Variants in ANKS1B observed in about 807,000 individuals in gnomAD.
ANKS1B encodes ankyrin repeat and sterile alpha motif domain-containing protein 1B.
ANKS1B carries 36 observed loss-of-function variants against 148.3 expected under a neutral mutation model. The observed-to-expected ratio is 0.24, with a 90% CI of 0.19 to 0.32. The LOEUF is 0.32. Among genes scored for constraint, ANKS1B ranks in the 10% least tolerant of loss-of-function variants. The pLI, the probability that ANKS1B is intolerant of heterozygous loss-of-function variation, is 1.00. For missense variants in ANKS1B, 1,157 were observed against 1,542.6 expected (o/e 0.75, Z 4.19); for synonymous variants, 542 against 560.8 (o/e 0.97, Z 0.47).
intron 12 of ANKS1B, among the ~76,000 whole-genome samples, chr12:99,301,103 C>T (rs1223516177): frequency 1.3e-5 from 2 of 152,122 alleles, no homozygotes; most frequent in Non-Finnish European, 2.9e-5. Context: ...CTCTGATGTC[C>T]AAGGGCAGGA....
At chr12:98,947,215 A>T (rs1456642878) in intron 17 of ANKS1B, among the ~76,000 whole-genome samples, 1 of 152,132 alleles carries the variant, frequency 6.6e-6, no homozygotes, top group Non-Finnish European at 1.5e-5. Context: ...GGAACCACAG[A>T]AGGCTTTTGA....
intron 9 of ANKS1B, among the ~76,000 whole-genome samples, chr12:99,646,719 T>G (rs1234194402): frequency 6.6e-6 from 1 of 151,056 alleles, no homozygotes; most frequent in Admixed American, 6.6e-5. Flanking sequence ...GTGTGTGTGT[T>G]TGTGTTCACA....
chr12:99,151,995 A>T (rs912188917), intron 15 of ANKS1B, among the ~76,000 whole-genome samples: 7 of 152,158 alleles, frequency 4.6e-5, no homozygotes, highest in Admixed American at 2.6e-4. Context: ...TGCTTCAAGA[A>T]AAACAAAAGC....
At chr12:99,596,219 T>C (rs2097757280) in intron 9 of ANKS1B, among the ~76,000 whole-genome samples, 1 of 151,898 alleles carries the variant, frequency 6.6e-6, no homozygotes, top group African/African-American at 2.4e-5. Flanking sequence ...TAAATCAAGA[T>C]GTGAGTAGAA....
At chr12:98,808,796 A>G (rs2099070854) in intron 19 of ANKS1B, among the ~76,000 whole-genome samples, 1 of 152,190 alleles carries the variant, frequency 6.6e-6, no homozygotes, top group South Asian at 2.1e-4. Flanking sequence ...ATTCTAAAAG[A>G]CACTGTGAAA....
intron 17 of ANKS1B, among the ~76,000 whole-genome samples, chr12:99,036,539 G>T (rs1463881062): frequency 6.6e-6 from 1 of 152,174 alleles, no homozygotes; most frequent in African/African-American, 2.4e-5. Flanking sequence ...CACATGCTTG[G>T]TCATAGCTGT....
intron 1 of ANKS1B, among the ~76,000 whole-genome samples, chr12:99,876,442 G>T (rs2092051774): frequency 6.6e-6 from 1 of 152,054 alleles, no homozygotes; most frequent in Non-Finnish European, 1.5e-5. Context: ...GAAGAAAGAG[G>T]CCAGGCGCAG....
intron 17 of ANKS1B, among the ~76,000 whole-genome samples, chr12:98,924,690 T>C (rs754466769): frequency 3.3e-5 from 5 of 152,200 alleles, no homozygotes; most frequent in Admixed American, 6.5e-5. Flanking sequence ...GATGGTCTTA[T>C]GGTGTCAGAA....
chr12:98,831,832 C>T, intron 18 of ANKS1B, 197 bp downstream of exon 18: 1 of 609,906 alleles, frequency 1.6e-6, no homozygotes, highest in Non-Finnish European at 3.0e-6. Flanking sequence ...CACTGCAATG[C>T]TCCGCCTTCT....
chr12:98,983,281 G>A (rs2099917071), intron 17 of ANKS1B, among the ~76,000 whole-genome samples: 1 of 152,114 alleles, frequency 6.6e-6, no homozygotes. Flanking sequence ...GTTACAGACT[G>A]AAGCCCCTTT....
At chr12:99,299,900 C>G (rs2081377561) in intron 12 of ANKS1B, among the ~76,000 whole-genome samples, 1 of 152,110 alleles carries the variant, frequency 6.6e-6, no homozygotes, top group African/African-American at 2.4e-5. Flanking sequence ...TATTGCCTTT[C>G]CTGGAAAGGA....
chr12:98,916,641 G>A (rs866379429), intron 17 of ANKS1B, among the ~76,000 whole-genome samples: 1 of 152,182 alleles, frequency 6.6e-6, no homozygotes. Context: ...ACAAAATATC[G>A]ACAGCATAAG....
chr12:98,818,156 C>T (rs2099156726), intron 19 of ANKS1B, among the ~76,000 whole-genome samples: 1 of 75,314 alleles, frequency 1.3e-5, no homozygotes, highest in Admixed American at 2.2e-4. Context: ...TCCCTCCCTC[C>T]TTCCCTCCCT....
At chr12:98,942,139 G>A (rs907038923) in intron 17 of ANKS1B, among the ~76,000 whole-genome samples, 3 of 151,618 alleles carry the variant, frequency 2.0e-5, no homozygotes, top group African/African-American at 7.3e-5. Flanking sequence ...TACTCGGAAG[G>A]CTGAGACAGG....
At chr12:99,247,867 C>T (rs986564177) in intron 12 of ANKS1B, among the ~76,000 whole-genome samples, 14 of 152,126 alleles carry the variant, frequency 9.2e-5, no homozygotes, top group African/African-American at 3.4e-4. Context: ...AAGCCCATAA[C>T]TCACTGTTGC....
At chr12:99,945,213 T>C (rs1266670727) in intron 1 of ANKS1B, among the ~76,000 whole-genome samples, 1 of 152,086 alleles carries the variant, frequency 6.6e-6, no homozygotes, top group Non-Finnish European at 1.5e-5. Context: ...GGTAAGGTAG[T>C]AAAGGCCATT....
Position 99,982,565 on chromosome 12 carries a change from C to T in ANKS1B, c.134+1539G>A, listed in dbSNP as rs145871276. Among the ~76,000 whole-genome samples the T allele has an allele frequency of 1.9e-3, 287 of 152,270 alleles. 1 individual carries two copies. The highest frequency in any genetic ancestry group is 0.019 in the South Asian group (90 of 4,822). ...ATCATTTTTATAACTGATGGATCCACAGCAAACGTTGTTATTTTACGTGTA... is the reference window on the plus strand; with the variant it reads ...ATCATTTTTATAACTGATGGATCCATAGCAAACGTTGTTATTTTACGTGTA... On this transcript the variant is annotated intron_variant, in intron 1 of 26. Coordinates refer to ENST00000683438, the MANE Select transcript of ANKS1B (RefSeq NM_001352186.2).
At chr12:99,466,644 G>C (rs972646269) in intron 10 of ANKS1B, among the ~76,000 whole-genome samples, 1 of 151,228 alleles carries the variant, frequency 6.6e-6, no homozygotes, top group African/African-American at 2.5e-5. Flanking sequence ...ACTAACATCA[G>C]AGAATACTAC....
At chr12:99,017,217 G>A (rs139064369) in intron 17 of ANKS1B, among the ~76,000 whole-genome samples, 2,523 of 152,262 alleles carry the variant, frequency 0.017, 30 homozygotes, top group Middle Eastern at 0.034. Flanking sequence ...TCATTCCTGG[G>A]TGTAGGCCAA....
Sources: gnomAD v4.1 joint callset for allele counts (sites outside exome capture counted in the v4.1 genomes callset) on GRCh38, gnomAD v4.1.1 for gene constraint, MANE v1.5 for transcripts, NCBI Gene and HGNC (gene_info 2026-07-23, HGNC 2026-07-21) for gene names.